The following SCFD1 variants were observed in gnomAD, a reference collection of about 807,000 sequenced individuals.
SCFD1 encodes sec1 family domain-containing protein 1.
A neutral mutation model predicts 103.2 loss-of-function variants in SCFD1; 37 were observed. The ratio of observed to expected loss-of-function variants is 0.36; its 90% CI spans 0.28 to 0.47. The LOEUF (loss-of-function observed/expected upper bound fraction) is 0.47, where lower values mean the gene tolerates loss of function less well. SCFD1 is among the 20% of genes least tolerant of loss of function. The probability of loss-of-function intolerance (pLI) is 1.00; values close to 1 mark genes in which losing one functional copy is unlikely to be tolerated. For synonymous variants in SCFD1, 264 were observed against 245.0 expected, an observed-to-expected ratio of 1.08 and a Z score of -0.73; for missense variants, 639 against 761.2, an observed-to-expected ratio of 0.84 and a Z score of 1.89.
intron 23 of SCFD1, among the ~76,000 whole-genome samples, chr14:30,731,915 C>T (rs981614356): frequency 6.6e-6 from 1 of 152,190 alleles, no homozygotes; most frequent in Non-Finnish European, 1.5e-5. Flanking sequence ...TGAGAGAGGG[C>T]ATCCCTGTCT....
At chr14:30,734,599 A>G (rs2273517) in intron 23 of SCFD1, 191 bp from the exon 24 acceptor site, 31,016 of 548,314 alleles carry the variant, frequency 0.057, 1,424 homozygotes, top group African/African-American at 0.17. Context: ...CAAAAATACT[A>G]TGCTCATTTC....
intron 7 of SCFD1, among the ~76,000 whole-genome samples, chr14:30,646,548 TG>T (rs1215179897): frequency 6.6e-6 from 1 of 152,214 alleles, no homozygotes; most frequent in Non-Finnish European, 1.5e-5. Context: ...TTTTTGCACC[TG>T]TATTCATCAG....
chr14:30,641,790 T>G (rs1179828808), intron 6 of SCFD1, among the ~76,000 whole-genome samples: 1 of 152,224 alleles, frequency 6.6e-6, no homozygotes, highest in African/African-American at 2.4e-5. Flanking sequence ...CTTGGAGATA[T>G]CCAGTTGAAT....
At chr14:30,655,132 A>C (rs980044099) in intron 10 of SCFD1, among the ~76,000 whole-genome samples, 1 of 152,244 alleles carries the variant, frequency 6.6e-6, no homozygotes, top group Non-Finnish European at 1.5e-5. Flanking sequence ...AAGGTGGAAG[A>C]TACCCTGAAA....
chr14:30,672,268 G>C (rs942503321), intron 11 of SCFD1, among the ~76,000 whole-genome samples: 2 of 152,072 alleles, frequency 1.3e-5, no homozygotes, highest in African/African-American at 4.8e-5. Flanking sequence ...CCAGTGCAAT[G>C]CTGAGGCCTC....
intron 14 of SCFD1, among the ~76,000 whole-genome samples, chr14:30,681,406 A>G (rs1184268292): frequency 1.3e-5 from 2 of 152,092 alleles, no homozygotes; most frequent in Non-Finnish European, 2.9e-5. Flanking sequence ...TATAAAGATC[A>G]TTTTGTGTAC....
intron 10 of SCFD1, among the ~76,000 whole-genome samples, chr14:30,666,279 A>G (rs1305921390): frequency 6.6e-6 from 1 of 152,260 alleles, no homozygotes; most frequent in Non-Finnish European, 1.5e-5. Context: ...CTACCTGGAA[A>G]CTGAACAACC....
chr14:30,634,718 C>T (rs1884538176), intron 4 of SCFD1: 1 of 437,548 alleles, frequency 2.3e-6, no homozygotes. Flanking sequence ...TAATCAAAGA[C>T]CCAGGCTCCT....
At chr14:30,648,514 CA>C (rs1886074745) in intron 7 of SCFD1, among the ~76,000 whole-genome samples, 1 of 152,088 alleles carries the variant, frequency 6.6e-6, no homozygotes, top group African/African-American at 2.4e-5. Flanking sequence ...GTAAAATAAA[CA>C]AAAACTAGCA....
At chr14:30,719,528 A>G (rs1892508147) in intron 21 of SCFD1, 151 bp downstream of exon 21, 3 of 611,050 alleles carry the variant, frequency 4.9e-6, no homozygotes, top group Non-Finnish European at 8.5e-6. Context: ...ATCCAGAGAT[A>G]TCTCTAGTAA....
intron 10 of SCFD1, among the ~76,000 whole-genome samples, chr14:30,655,955 C>T (rs896914226): frequency 3.9e-5 from 6 of 151,908 alleles, no homozygotes; most frequent in African/African-American, 1.5e-4. Flanking sequence ...AAGGAAGCAC[C>T]ATCTTTACAA....
intron 21 of SCFD1, among the ~76,000 whole-genome samples, 198 bp downstream of exon 21, chr14:30,719,575 T>C (rs959182275): frequency 6.6e-6 from 1 of 152,144 alleles, no homozygotes; most frequent in African/African-American, 2.4e-5. Flanking sequence ...CTTCCACATA[T>C]ACACACACAC....
Position 30,639,758 on chromosome 14 carries a change from CCTTTT to C in SCFD1, c.436-13_436-9del, listed in dbSNP as rs1281790039. On this transcript the variant is annotated splice_polypyrimidine_tract_variant and intron_variant, in intron 5 of 24. Coordinates refer to ENST00000458591, the MANE Select transcript of SCFD1 (RefSeq NM_016106.4). ...CTATATTGTAAGATTGATTTGTAAA[CCTTTT>C]CTTTTGTTTCTAGGTTTTTGACCAA... The C allele has an allele frequency of 6.4e-7, 1 of 1,552,674 alleles. No individual in the cohort carries two copies. Among genetic ancestry groups the C allele is most frequent in the Non-Finnish European group, 8.7e-7 (1 of 1,151,082 alleles).
chr14:30,622,653 G>A (rs1882971715), intron 1 of SCFD1, among the ~76,000 whole-genome samples: 1 of 152,128 alleles, frequency 6.6e-6, no homozygotes, highest in Admixed American at 6.5e-5. Context: ...TTCCTAGTGG[G>A]CATCAGAAGG....
intron 13 of SCFD1, among the ~76,000 whole-genome samples, chr14:30,674,775 C>T (rs924953371): frequency 1.3e-5 from 2 of 152,082 alleles, no homozygotes; most frequent in Non-Finnish European, 2.9e-5. Flanking sequence ...TATTTGGGAG[C>T]CAGATTATTT....
chr14:30,720,084 A>G lies in SCFD1; in HGVS notation c.1736+707A>G, dbSNP rs540274622. ...ATGTTTGGGATCTTCAGAACTTTAC[A>G]TTTGCTGTATCCCAAGCTTTCGTAT... On this transcript the variant is annotated intron_variant, in intron 21 of 24. Coordinates refer to ENST00000458591, the MANE Select transcript of SCFD1 (RefSeq NM_016106.4). Among the ~76,000 whole-genome samples, 31 of 152,220 alleles carry G rather than the reference A, an allele frequency of 2.0e-4. No individual in the cohort carries two copies. The South Asian group carries it at 6.4e-3, about 32-fold the overall frequency.
intron 6 of SCFD1, among the ~76,000 whole-genome samples, chr14:30,641,718 G>A (rs898625246): frequency 3.3e-5 from 5 of 151,914 alleles, no homozygotes; most frequent in African/African-American, 7.3e-5. Flanking sequence ...TTTAGATTCT[G>A]TGTTGCCTGA....
chr14:30,718,990 T>C (rs1269518874), intron 20 of SCFD1, among the ~76,000 whole-genome samples: 3 of 152,206 alleles, frequency 2.0e-5, no homozygotes, highest in African/African-American at 7.2e-5. Context: ...AACTTGGGCA[T>C]TGAAAATAGA....
intron 17 of SCFD1, 126 bp downstream of exon 17, chr14:30,702,501 G>T: frequency 3.9e-6 from 2 of 516,048 alleles, no homozygotes; most frequent in East Asian, 3.2e-5. Flanking sequence ...ATATCCAGTG[G>T]CATAAATATT....
Sources: gnomAD v4.1 joint callset for allele counts (sites outside exome capture counted in the v4.1 genomes callset) on GRCh38, gnomAD v4.1.1 for gene constraint, MANE v1.5 for transcripts, NCBI Gene and HGNC (gene_info 2026-07-23, HGNC 2026-07-21) for gene names.